CAV1: variants seen among roughly 807,000 people sequenced by gnomAD.
CAV1 encodes the protein caveolin 1.
Under a neutral mutation model 16.5 loss-of-function variants are expected in CAV1, and 10 were observed. The ratio of observed to expected loss-of-function variants is 0.61; its 90% confidence interval spans 0.37 to 1.03. CAV1 has a LOEUF of 1.03. CAV1 is among the 50% of genes least tolerant of loss of function. The pLI is 0.01. For synonymous variants in CAV1, 76 were observed against 85.1 expected (o/e 0.89, Z 0.59); for missense variants, 212 against 232.8 (o/e 0.91, Z 0.58).
At chr7:116,558,803 GA>G in intron 2 of CAV1, 142 bp from the exon 3 acceptor site, 7 of 673,058 alleles carry the variant, frequency 1.0e-5, no homozygotes, top group Non-Finnish European at 2.7e-6. Flanking sequence ...AAGTGATGCT[GA>G]TGCTGCTGGT....
intron 2 of CAV1, among the ~76,000 whole-genome samples, chr7:116,531,253 G>A (rs1395339735): frequency 2.0e-5 from 3 of 152,244 alleles, no homozygotes; most frequent in African/African-American, 4.8e-5. Context: ...GAGGAAAAAT[G>A]TGTTTAGATG....
intron 2 of CAV1, among the ~76,000 whole-genome samples, chr7:116,552,665 T>C (rs1275450138): frequency 4.6e-5 from 7 of 152,188 alleles, no homozygotes; most frequent in Non-Finnish European, 1.0e-4. Flanking sequence ...CAACACCTCA[T>C]ATTCTAAGCA....
At chr7:116,558,413 G>A (rs540027198) in intron 2 of CAV1, among the ~76,000 whole-genome samples, 5 of 151,976 alleles carry the variant, frequency 3.3e-5, no homozygotes, top group African/African-American at 9.7e-5. Context: ...AATATCCTGG[G>A]TTCCACCCTT....
At chr7:116,545,991 G>C (rs1794037851) in intron 2 of CAV1, among the ~76,000 whole-genome samples, 1 of 152,166 alleles carries the variant, frequency 6.6e-6, no homozygotes, top group East Asian at 1.9e-4. Flanking sequence ...ATCTGGGACG[G>C]AACTTTCAAC....
intron 2 of CAV1, among the ~76,000 whole-genome samples, chr7:116,532,423 C>T (rs565571535): frequency 3.3e-5 from 5 of 152,160 alleles, no homozygotes; most frequent in African/African-American, 7.2e-5. Flanking sequence ...GGGCTATGTG[C>T]GCTCACCTGC....
intron 2 of CAV1, among the ~76,000 whole-genome samples, chr7:116,541,336 A>G (rs1239887506): frequency 1.3e-5 from 2 of 152,162 alleles, no homozygotes; most frequent in African/African-American, 4.8e-5. Context: ...TGGAATGACA[A>G]TTACCTTTGG....
chr7:116,540,661 C>T (rs1487674276), intron 2 of CAV1, among the ~76,000 whole-genome samples: 1 of 152,090 alleles, frequency 6.6e-6, no homozygotes, highest in East Asian at 1.9e-4. Flanking sequence ...TTGCAATGAT[C>T]TTGTTAACAT....
chr7:116,538,736 G>A lies in CAV1; in HGVS notation c.195+12047G>A, dbSNP rs113887837. Among the ~76,000 whole-genome samples the A allele has an allele frequency of 7.4e-3, 1,122 of 152,236 alleles. 16 individuals are homozygous for A. The highest frequency in any genetic ancestry group is 0.026 in the African/African-American group (1,064 of 41,526). ...TCACGCTGCTGATAAAGACATATCC[G>A]GGATTGGGTGATGTATTTAAAAAAA... On this transcript the variant is annotated intron_variant, in intron 2 of 2. Coordinates refer to ENST00000341049, the MANE Select transcript of CAV1 (RefSeq NM_001753.5).
At chr7:116,533,156 A>G (rs1793718165) in intron 2 of CAV1, among the ~76,000 whole-genome samples, 1 of 151,994 alleles carries the variant, frequency 6.6e-6, no homozygotes, top group Non-Finnish European at 1.5e-5. Context: ...CCTGGCCAAC[A>G]CGGTGAAACC....
intron 2 of CAV1, among the ~76,000 whole-genome samples, chr7:116,550,776 A>G (rs1794144183): frequency 6.6e-6 from 1 of 152,212 alleles, no homozygotes; most frequent in South Asian, 2.1e-4. Flanking sequence ...CTTTTTTTAA[A>G]AAAAGCGTTT....
intron 2 of CAV1, among the ~76,000 whole-genome samples, chr7:116,555,461 A>G (rs1193565782): frequency 2.2e-5 from 1 of 45,536 alleles, no homozygotes; most frequent in Non-Finnish European, 5.0e-5. Flanking sequence ...GGAAGGAAGG[A>G]AGGAAGGAAG....
At chr7:116,543,772 G>A (rs1375554192) in intron 2 of CAV1, among the ~76,000 whole-genome samples, 7 of 152,166 alleles carry the variant, frequency 4.6e-5, no homozygotes, top group Non-Finnish European at 8.8e-5. Flanking sequence ...TCTGAGTGCT[G>A]ACAGTTGTCA....
intron 2 of CAV1, among the ~76,000 whole-genome samples, chr7:116,550,359 C>T (rs1289900311): frequency 6.6e-6 from 1 of 152,170 alleles, no homozygotes; most frequent in African/African-American, 2.4e-5. Flanking sequence ...GTCAATACTC[C>T]TACCAGAGGT....
rs201261029 is a variant in CAV1, at chr7:116,526,623, C to T, written c.129C>T (p.Asp43=). 1.4e-4 allele frequency: 233 copies of T among 1,614,068 alleles called. 2 individuals carry two copies. Among genetic ancestry groups the T allele is most frequent in the South Asian group, 1.3e-3 (116 of 91,072 alleles). Residue 43 remains aspartate (D), a synonymous_variant, in exon 2 of 3, where the codon GAC becomes GAT. Transcript: ENST00000341049. ...ADELSEKQVY[D]AHTKEIDLVN... ...AGCTGAGCGAGAAGCAAGTGTACGA[C>T]GCGCACACCAAGGAGATCGACCTGG...
At chr7:116,555,588 GAAAGAA>G (rs1562838612) in intron 2 of CAV1, among the ~76,000 whole-genome samples, 20 of 74,846 alleles carry the variant, frequency 2.7e-4, no homozygotes, top group African/African-American at 9.0e-4. Context: ...AAGAAAGAAA[GAAAGAA>G]AGAAAGAAAG....
At chr7:116,527,572 C>A (rs1439737718) in intron 2 of CAV1, among the ~76,000 whole-genome samples, 1 of 152,152 alleles carries the variant, frequency 6.6e-6, no homozygotes, top group African/African-American at 2.4e-5. Context: ...CCCTTTTAGC[C>A]AATCTAGTGG....
chr7:116,550,928 T>C (rs1794147948), intron 2 of CAV1, among the ~76,000 whole-genome samples: 3 of 152,128 alleles, frequency 2.0e-5, no homozygotes, highest in African/African-American at 7.2e-5. Flanking sequence ...AAAAAGTAGC[T>C]CCACTCATTT....
At chr7:116,548,914 G>A (rs2116054680) in intron 2 of CAV1, among the ~76,000 whole-genome samples, 1 of 152,256 alleles carries the variant, frequency 6.6e-6, no homozygotes, top group East Asian at 1.9e-4. Context: ...TCTTGCCTTG[G>A]AATATATCTG....
At chr7:116,528,351 G>A (rs1039795110) in intron 2 of CAV1, among the ~76,000 whole-genome samples, 2 of 152,194 alleles carry the variant, frequency 1.3e-5, no homozygotes, top group South Asian at 4.1e-4. Flanking sequence ...TAACAGGCTT[G>A]GAGGAAATAG....
Sources: gnomAD v4.1 joint callset for allele counts (sites outside exome capture counted in the v4.1 genomes callset) on GRCh38, gnomAD v4.1.1 for gene constraint, MANE v1.5 for transcripts, NCBI Gene and HGNC (gene_info 2026-07-23, HGNC 2026-07-21) for gene names.